Variants in RELN observed in about 807,000 individuals in gnomAD.
The protein encoded by RELN is reelin.
A neutral mutation model predicts 427.6 loss-of-function variants in RELN; 108 were observed. The observed-to-expected ratio is 0.25, with a 90% CI of 0.22 to 0.30. The LOEUF is 0.30. RELN is among the 10% of genes least tolerant of loss of function. The probability of loss-of-function intolerance (pLI) is 1.00; values close to 1 mark genes in which losing one functional copy is unlikely to be tolerated. For missense variants in RELN, 3,715 were observed against 4,302.8 expected (o/e 0.86, Z 3.82); for synonymous variants, 1,524 against 1,513.4 (o/e 1.01, Z -0.16).
intron 2 of RELN, among the ~76,000 whole-genome samples, chr7:103,854,229 G>C (rs1793891217): frequency 6.6e-6 from 1 of 152,156 alleles, no homozygotes; most frequent in Non-Finnish European, 1.5e-5. Context: ...ACATATTTTA[G>C]AGGTTATTTT....
intron 2 of RELN, among the ~76,000 whole-genome samples, chr7:103,873,710 A>G (rs1025363779): frequency 2.8e-5 from 4 of 145,236 alleles, no homozygotes; most frequent in East Asian, 4.2e-4. Flanking sequence ...TGTGGCAATA[A>G]TCAATAGCTT....
In RELN at chr7:103,839,478, C is replaced by A. The variant is rs1479210502; in HGVS notation, c.338-5806G>T. 2.6e-5 allele frequency among the ~76,000 whole-genome samples: 4 copies of A among 152,146 alleles called. No homozygotes were observed. The East Asian group carries it at 7.7e-4, about 29-fold the overall frequency. On this transcript the variant is annotated intron_variant, in intron 2 of 64. Coordinates refer to ENST00000428762, the MANE Select transcript of RELN (RefSeq NM_005045.4). ...TATTTACAGAATTCCTGTTTTGCAA[C>A]AGACACTGTGTTAGGCTCTACGGAG...
At chr7:103,808,944 C>A (rs190223129) in intron 3 of RELN, among the ~76,000 whole-genome samples, 5 of 152,206 alleles carry the variant, frequency 3.3e-5, no homozygotes, top group African/African-American at 1.2e-4. Context: ...GATGGAAAGG[C>A]CCACTGAGTT....
At chr7:103,661,829 A>G (rs1421540563) in intron 11 of RELN, among the ~76,000 whole-genome samples, 4 of 152,194 alleles carry the variant, frequency 2.6e-5, no homozygotes, top group African/African-American at 9.7e-5. Context: ...GATACTTTTC[A>G]TTCTTTAAGT....
At chr7:103,958,963 T>C (rs527902331) in intron 1 of RELN, among the ~76,000 whole-genome samples, 2 of 152,266 alleles carry the variant, frequency 1.3e-5, no homozygotes, top group African/African-American at 4.8e-5. Context: ...AATAATTTTT[T>C]CCTTTGTTTT....
At chr7:103,743,012 G>A (rs886996888) in intron 6 of RELN, among the ~76,000 whole-genome samples, 1 of 150,490 alleles carries the variant, frequency 6.6e-6, no homozygotes, top group Non-Finnish European at 1.5e-5. Flanking sequence ...CAGCCAGAGA[G>A]AAAGGTCGGG....
chr7:103,924,222 A>G (rs1795676595), intron 1 of RELN, among the ~76,000 whole-genome samples: 1 of 152,186 alleles, frequency 6.6e-6, no homozygotes, highest in African/African-American at 2.4e-5. Context: ...GCTGCTCTGT[A>G]GAATGTACTT....
intron 1 of RELN, among the ~76,000 whole-genome samples, chr7:103,977,139 C>T (rs1416070325): frequency 6.6e-6 from 1 of 151,342 alleles, no homozygotes; most frequent in African/African-American, 2.4e-5. Context: ...GGTGAAACCC[C>T]GTCTCTACTA....
At chr7:103,908,214 T>C (rs1048726996) in intron 2 of RELN, among the ~76,000 whole-genome samples, 1 of 152,046 alleles carries the variant, frequency 6.6e-6, no homozygotes, top group Non-Finnish European at 1.5e-5. Context: ...GAAACTTGAG[T>C]GCAGCTCCCC....
intron 1 of RELN, among the ~76,000 whole-genome samples, chr7:103,963,149 T>C (rs1454151204): frequency 6.6e-6 from 1 of 151,780 alleles, no homozygotes; most frequent in Non-Finnish European, 1.5e-5. Flanking sequence ...TTTTTTCTCA[T>C]TGGCGCTTTC....
intron 2 of RELN, among the ~76,000 whole-genome samples, chr7:103,861,353 T>C (rs62482270): frequency 3.1e-3 from 478 of 152,312 alleles, no homozygotes; most frequent in Non-Finnish European, 5.9e-3. Flanking sequence ...TGCATTATTA[T>C]CAGTTTGGGG....
chr7:103,941,613 A>T (rs1796116405), intron 1 of RELN, among the ~76,000 whole-genome samples: 1 of 152,220 alleles, frequency 6.6e-6, no homozygotes, highest in Non-Finnish European at 1.5e-5. Context: ...TTTGAAAAAA[A>T]TTTTAAATGT....
intron 6 of RELN, among the ~76,000 whole-genome samples, chr7:103,742,111 T>C (rs1053039757): frequency 2.0e-5 from 3 of 152,184 alleles, no homozygotes; most frequent in Non-Finnish European, 4.4e-5. Flanking sequence ...GGTTCACCAA[T>C]ATTTGCTGTT....
At position 103,589,771 on chromosome 7, in the gene RELN, A is replaced by T; in HGVS notation, c.3970T>A (p.Ser1324Thr). ...AACCAGGACATACCAGCATCATGAG[A>T]GTACTGAAGAAGAACTGGAGCAGTA... ...SSTAPVLLQY[S>T]HDAGMSWFLV... is the part of the protein sequence containing the mutation. The change falls in exon 28 of 65, where the codon TCT (serine) becomes ACT (threonine). Residue 1324 changes from serine (S) to threonine (T), a missense_variant. Ser to Thr is a moderately conservative substitution (Grantham distance 58, BLOSUM62 1). Transcript: ENST00000428762. 1 of 1,613,784 alleles carries T rather than the reference A, an allele frequency of 6.2e-7. No individual in the cohort carries two copies.
intron 41 of RELN, 104 bp downstream of exon 41, chr7:103,550,963 C>T: frequency 4.5e-6 from 4 of 898,134 alleles, no homozygotes; most frequent in Non-Finnish European, 7.1e-6. Context: ...GAGGAAGAAA[C>T]GTCAGGTGGA....
chr7:103,781,443 T>C (rs1045023745), intron 3 of RELN, among the ~76,000 whole-genome samples: 3 of 152,160 alleles, frequency 2.0e-5, no homozygotes, highest in Non-Finnish European at 2.9e-5. Flanking sequence ...AAAATTACAT[T>C]GACAGATAAA....
intron 64 of RELN, among the ~76,000 whole-genome samples, chr7:103,474,741 T>C (rs929664890): frequency 2.0e-5 from 3 of 151,926 alleles, no homozygotes; most frequent in Admixed American, 6.6e-5. Flanking sequence ...AGTCGCCTTA[T>C]AGTTCTTTCC....
chr7:103,761,636 G>C (rs539865875), intron 4 of RELN, among the ~76,000 whole-genome samples: 1 of 151,358 alleles, frequency 6.6e-6, no homozygotes, highest in Non-Finnish European at 1.5e-5. Flanking sequence ...TTTGGGGGGG[G>C]GTAGAGACAA....
At chr7:103,555,893 T>C (rs1020008791) in intron 38 of RELN, among the ~76,000 whole-genome samples, 1 of 152,214 alleles carries the variant, frequency 6.6e-6, no homozygotes, top group East Asian at 1.9e-4. Context: ...ATAGGTTAAA[T>C]TTTAGAGATG....
Sources: allele counts gnomAD v4.1 joint callset (sites outside exome capture counted in the v4.1 genomes callset), GRCh38; gene constraint gnomAD v4.1.1; transcripts MANE v1.5; gene names NCBI Gene and HGNC (gene_info 2026-07-23, HGNC 2026-07-21).